The following GPHN variants were observed in gnomAD, a reference collection of about 807,000 sequenced individuals.
The protein encoded by GPHN is gephyrin.
GPHN carries 17 observed loss-of-function variants against 95.5 expected under a neutral mutation model. That is an observed-to-expected ratio of 0.18 (90% CI 0.12 to 0.27). The LOEUF (loss-of-function observed/expected upper bound fraction) is 0.27, where lower values mean the gene tolerates loss of function less well. Ranked by LOEUF, GPHN falls within the 10% of genes least tolerant of loss-of-function variation. The pLI, the probability that GPHN is intolerant of heterozygous loss-of-function variation, is 1.00. For synonymous variants in GPHN, 320 were observed against 322.5 expected, an observed-to-expected ratio of 0.99 and a Z score of 0.08; for missense variants, 660 against 978.1, an observed-to-expected ratio of 0.67 and a Z score of 4.34.
chr14:67,130,881 T>C (rs1462065509), intron 17 of GPHN, among the ~76,000 whole-genome samples: 1 of 152,200 alleles, frequency 6.6e-6, no homozygotes, highest in East Asian at 1.9e-4. Flanking sequence ...TCCCTAAACA[T>C]ATGTTCATAT....
At chr14:67,084,050 G>A (rs1448434353) in intron 11 of GPHN, among the ~76,000 whole-genome samples, 2 of 152,128 alleles carry the variant, frequency 1.3e-5, no homozygotes, top group African/African-American at 4.8e-5. Flanking sequence ...TTACAAAGAT[G>A]AATGATATAT....
rs8005832 is a variant in GPHN, at chr14:66,598,873, C to T, written c.65-82234C>T. The stretch of plus-strand genomic sequence containing the variant: ...AAAAAAAAGGAAAGAAATTCAGTAG[C>T]CATTTCATTCAGCCTTGCAGTTGAT... On this transcript the variant is annotated intron_variant, in intron 1 of 22. Coordinates refer to ENST00000478722, the MANE Select transcript of GPHN (RefSeq NM_020806.5). Among the ~76,000 whole-genome samples the T allele has an allele frequency of 9.3e-3, 1,407 of 151,002 alleles. 19 individuals carry two copies. Among genetic ancestry groups the T allele is most frequent in the African/African-American group, 0.032 (1,331 of 41,230 alleles).
intron 1 of GPHN, among the ~76,000 whole-genome samples, chr14:66,586,379 C>G (rs1178320443): frequency 6.6e-6 from 1 of 152,182 alleles, no homozygotes; most frequent in African/African-American, 2.4e-5. Flanking sequence ...AGCATTTAGC[C>G]CATTTACATT....
chr14:67,392,582 T>TG, the GPHN span: 2 of 1,361,522 alleles, frequency 1.5e-6, no homozygotes, highest in Non-Finnish European at 1.0e-6. Flanking sequence ...CTCCCATGAC[T>TG]GTGGCCCCCA....
At chr14:67,484,131 A>T in the GPHN span, among the ~76,000 whole-genome samples, 1 of 152,284 alleles carries the variant, frequency 6.6e-6, no homozygotes, top group Middle Eastern at 3.4e-3. Context: ...ACATCATTCC[A>T]TTTTATTTTC....
intron 1 of GPHN, among the ~76,000 whole-genome samples, chr14:66,528,453 C>G (rs1292854466): frequency 6.6e-6 from 1 of 152,132 alleles, no homozygotes; most frequent in Non-Finnish European, 1.5e-5. Context: ...GGGCATTTAG[C>G]CCATTTACCT....
At chr14:66,874,544 A>G (rs2063570941) in intron 4 of GPHN, among the ~76,000 whole-genome samples, 1 of 152,242 alleles carries the variant, frequency 6.6e-6, no homozygotes, top group Non-Finnish European at 1.5e-5. Flanking sequence ...TAGAATAACC[A>G]GTTTAGAGAA....
At chr14:67,418,486 G>A in the GPHN span, among the ~76,000 whole-genome samples, 1 of 152,178 alleles carries the variant, frequency 6.6e-6, no homozygotes, top group Non-Finnish European at 1.5e-5. Context: ...CTTGTGACTC[G>A]ATTTGGACAA....
chr14:67,001,157 G>A (rs2153610751), intron 9 of GPHN, among the ~76,000 whole-genome samples: 1 of 151,658 alleles, frequency 6.6e-6, no homozygotes, highest in Middle Eastern at 3.4e-3. Context: ...AGAGAAAGGA[G>A]ATATGTATAT....
chr14:67,364,227 TTTTG>T, the GPHN span: 1 of 152,148 alleles, frequency 6.6e-6, no homozygotes, highest in Non-Finnish European at 1.5e-5. Flanking sequence ...TTTTTTTAGT[TTTTG>T]TTGTTTTGAC....
intron 9 of GPHN, among the ~76,000 whole-genome samples, chr14:66,980,151 A>T (rs962795192): frequency 2.0e-5 from 3 of 152,244 alleles, no homozygotes; most frequent in African/African-American, 7.2e-5. Flanking sequence ...AAAATGTGAC[A>T]CAGAGACAGG....
intron 1 of GPHN, among the ~76,000 whole-genome samples, chr14:66,535,831 T>C (rs1295195346): frequency 1.3e-5 from 2 of 152,102 alleles, no homozygotes; most frequent in Non-Finnish European, 2.9e-5. Context: ...TGCTTATTTT[T>C]AATATTTAAT....
chr14:67,349,621 G>A, the GPHN span, among the ~76,000 whole-genome samples: 1 of 152,104 alleles, frequency 6.6e-6, no homozygotes. Flanking sequence ...GATTGTTTGA[G>A]GCCAGGAGTT....
chr14:66,725,680 T>TAAA (rs2071168654), intron 2 of GPHN, among the ~76,000 whole-genome samples: 1 of 152,182 alleles, frequency 6.6e-6, no homozygotes, highest in Admixed American at 6.5e-5. Context: ...GACAGGGTTT[T>TAAA]ACCATGTTGG....
the GPHN span, among the ~76,000 whole-genome samples, chr14:67,549,752 G>T: frequency 6.6e-6 from 1 of 152,168 alleles, no homozygotes. Context: ...TTTGCATTCT[G>T]TGGCCAGGCT....
At chr14:66,508,676 C>A in intron 1 of GPHN, 85 bp downstream of exon 1, 1 of 1,203,928 alleles carries the variant, frequency 8.3e-7, no homozygotes, top group Non-Finnish European at 1.2e-6. Context: ...CCCTTCTCTG[C>A]GGCCTCGGGA....
At chr14:67,484,385 G>A in the GPHN span, among the ~76,000 whole-genome samples, 3 of 152,074 alleles carry the variant, frequency 2.0e-5, no homozygotes, top group Non-Finnish European at 2.9e-5. Flanking sequence ...TAGCTGCCTC[G>A]GTCTCTCTTC....
chr14:66,687,339 A>G (rs532343097), intron 2 of GPHN, among the ~76,000 whole-genome samples: 1 of 152,098 alleles, frequency 6.6e-6, no homozygotes, highest in South Asian at 2.1e-4. Context: ...AGGGTCTTTT[A>G]TGGTTTCATA....
intron 20 of GPHN, among the ~76,000 whole-genome samples, chr14:67,166,569 A>G (rs2082289291): frequency 6.6e-6 from 1 of 152,250 alleles, no homozygotes; most frequent in South Asian, 2.1e-4. Flanking sequence ...TCACATGTTC[A>G]GATTGTAGAA....
Sources: allele counts gnomAD v4.1 joint callset (sites outside exome capture counted in the v4.1 genomes callset), GRCh38; gene constraint gnomAD v4.1.1; transcripts MANE v1.5; gene names NCBI Gene and HGNC (gene_info 2026-07-23, HGNC 2026-07-21).